HDAC4: variants seen among roughly 807,000 people sequenced by gnomAD.
HDAC4 encodes histone deacetylase A.
HDAC4 carries 16 observed loss-of-function variants against 135.1 expected under a neutral mutation model. The ratio of observed to expected loss-of-function variants is 0.12; its 90% confidence interval spans 0.08 to 0.18. The LOEUF is 0.18. HDAC4 is among the 10% of genes least tolerant of loss of function. HDAC4 has a pLI of 1.00. For missense variants in HDAC4, 1,143 were observed against 1,511.8 expected (o/e 0.76, Z 4.05); for synonymous variants, 685 against 653.4 (o/e 1.05, Z -0.74).
In HDAC4 at chr2:239,068,687, G is replaced by A. The variant is rs1253436854; in HGVS notation, c.2751-80C>T. The A allele has an allele frequency of 1.2e-5, 15 of 1,238,148 alleles. No individual in the cohort carries two copies. Among genetic ancestry groups the A allele is most frequent in the Non-Finnish European group, 1.7e-5 (14 of 838,824 alleles). 76.7% of individuals were successfully genotyped at this position (1,238,148 alleles called of 1,614,324 possible). On this transcript the variant is annotated intron_variant, in intron 22 of 26. Coordinates refer to ENST00000543185, the MANE Select transcript of HDAC4 (RefSeq NM_001378414.1). The surrounding 1 kb of genome is among the most constrained non-coding windows in gnomAD (Gnocchi z 4.4). ...TCACAAAACCCCAAGGTTCCCTCTG[G>A]CATTGATAATGCCTGCCCCGCACCC...
intron 2 of HDAC4, among the ~76,000 whole-genome samples, chr2:239,279,771 A>G (rs1208910946): frequency 1.3e-5 from 2 of 152,174 alleles, no homozygotes; most frequent in African/African-American, 2.4e-5. Flanking sequence ...CTGAGTGAGG[A>G]GTGTCCCCTA....
At chr2:239,080,272 A>G (rs955885557) in intron 22 of HDAC4, among the ~76,000 whole-genome samples, 1 of 152,238 alleles carries the variant, frequency 6.6e-6, no homozygotes, top group East Asian at 1.9e-4. Flanking sequence ...GGAGACAGAG[A>G]AAGAGAAAAG....
At chr2:239,199,826 C>T (rs187220749) in intron 3 of HDAC4, among the ~76,000 whole-genome samples, 13 of 152,204 alleles carry the variant, frequency 8.5e-5, no homozygotes, top group African/African-American at 1.7e-4. Flanking sequence ...CTCCGCCTCC[C>T]GGGCTCACGC....
At chr2:239,107,956 T>G in intron 15 of HDAC4, 94 bp downstream of exon 15, 1 of 1,525,310 alleles carries the variant, frequency 6.6e-7, no homozygotes. Flanking sequence ...AAGAACCACC[T>G]GCAAAACCAA....
chr2:239,372,710 T>C (rs548567463), intron 1 of HDAC4, among the ~76,000 whole-genome samples: 5 of 152,208 alleles, frequency 3.3e-5, no homozygotes, highest in Non-Finnish European at 7.3e-5. Context: ...CAATAGCTTC[T>C]TTCTCTCTTT....
chr2:239,083,313 T>G lies in HDAC4; in HGVS notation c.2532+842A>C, dbSNP rs142082851. Among the ~76,000 whole-genome samples the G allele has an allele frequency of 9.6e-3, 1,469 of 152,318 alleles. 28 individuals are homozygous for G. Among genetic ancestry groups the G allele is most frequent in the African/African-American group, 0.034 (1,401 of 41,570 alleles). On this transcript the variant is annotated intron_variant, in intron 20 of 26. Transcript: ENST00000543185. ...TTCCCAGGCACTCCTACCTGCTCCC[T>G]TAGGAGGAGCTGAGGGAGGGCTCCC...
At chr2:239,183,505 C>T (rs2044288303) in intron 4 of HDAC4, among the ~76,000 whole-genome samples, 1 of 152,242 alleles carries the variant, frequency 6.6e-6, no homozygotes, top group Non-Finnish European at 1.5e-5. Flanking sequence ...AGGGCCACGG[C>T]ATCCATGGCT....
intron 2 of HDAC4, among the ~76,000 whole-genome samples, chr2:239,324,968 GCT>G: frequency 6.6e-6 from 1 of 152,336 alleles, no homozygotes; most frequent in East Asian, 1.9e-4. Flanking sequence ...TAAGACACAT[GCT>G]CTCTTACAGC....
intron 1 of HDAC4, among the ~76,000 whole-genome samples, chr2:239,377,972 C>T (rs965837): frequency 0.027 from 4,061 of 152,240 alleles, 177 homozygotes; most frequent in African/African-American, 0.092. Context: ...GTTCTATGGA[C>T]ATCAAAATGC....
intron 3 of HDAC4, among the ~76,000 whole-genome samples, chr2:239,203,121 G>A (rs2045859468): frequency 2.0e-5 from 3 of 152,170 alleles, no homozygotes; most frequent in African/African-American, 2.4e-5. Flanking sequence ...ACCGCGAAAA[G>A]GCCAAGGGCC....
intron 3 of HDAC4, among the ~76,000 whole-genome samples, chr2:239,230,756 T>C (rs1288472098): frequency 1.3e-5 from 2 of 152,166 alleles, no homozygotes; most frequent in African/African-American, 4.8e-5. Context: ...ACGGGCTCTG[T>C]GTATGAAGGT....
chr2:239,280,595 TGGCCTCTGCCAGGAGGCTCGGG>T (rs1456531856), intron 2 of HDAC4, among the ~76,000 whole-genome samples: 1 of 152,086 alleles, frequency 6.6e-6, no homozygotes, highest in Non-Finnish European at 1.5e-5. Flanking sequence ...AGGTGCATTG[TGGCCTCTGCCAGGAGGCTCGGG>T]GGCCTCTCTC....
chr2:239,359,792 G>A (rs891635758), intron 1 of HDAC4, among the ~76,000 whole-genome samples: 11 of 152,164 alleles, frequency 7.2e-5, no homozygotes, highest in African/African-American at 2.4e-4. Context: ...CAGAAGACTC[G>A]GGAATCTGTA....
chr2:239,203,791 T>C (rs1342104077), intron 3 of HDAC4, among the ~76,000 whole-genome samples: 1 of 152,140 alleles, frequency 6.6e-6, no homozygotes. Context: ...GCAGTGGAGA[T>C]GAGGGACTGC....
chr2:239,111,717 G>C lies in HDAC4; in HGVS notation c.1792-5C>G. 1.3e-6 allele frequency: 2 copies of C among 1,591,666 alleles called. No homozygotes were observed. Among genetic ancestry groups the C allele is most frequent in the East Asian group, 2.3e-5 (1 of 43,366 alleles). On this transcript the variant is annotated splice_polypyrimidine_tract_variant and splice_region_variant and intron_variant, in intron 13 of 26. Coordinates refer to ENST00000543185, the MANE Select transcript of HDAC4 (RefSeq NM_001378414.1). Reference sequence around the variant, plus strand: ...CTGCTCCAGCAGGAGGGCTTGCTGCGGGGAAGAAACGGCCGTGTTGGCGGT... The same window carrying C: ...CTGCTCCAGCAGGAGGGCTTGCTGCCGGGAAGAAACGGCCGTGTTGGCGGT...
At chr2:239,333,193 G>A (rs2125828580) in intron 2 of HDAC4, among the ~76,000 whole-genome samples, 1 of 152,222 alleles carries the variant, frequency 6.6e-6, no homozygotes, top group East Asian at 1.9e-4. Flanking sequence ...TATGGCCCAT[G>A]GGCCAAGTAC....
chr2:239,398,331 T>C (rs551653999), intron 1 of HDAC4, among the ~76,000 whole-genome samples: 1 of 152,376 alleles, frequency 6.6e-6, no homozygotes, highest in South Asian at 2.1e-4. Context: ...TAAAGTCGCC[T>C]TTCCTTTGGT....
At chr2:239,222,837 G>A (rs965836792) in intron 3 of HDAC4, among the ~76,000 whole-genome samples, 9 of 152,294 alleles carry the variant, frequency 5.9e-5, no homozygotes, top group African/African-American at 1.7e-4. Context: ...AGGTCCCAGC[G>A]GGGACCTGGG....
intron 2 of HDAC4, among the ~76,000 whole-genome samples, chr2:239,252,506 C>T (rs538334149): frequency 8.5e-5 from 13 of 152,320 alleles, no homozygotes; most frequent in Admixed American, 8.5e-4. Flanking sequence ...GAGCATTTCT[C>T]AGGTTTTAGC....
Sources: gnomAD v4.1 joint callset for allele counts (sites outside exome capture counted in the v4.1 genomes callset) on GRCh38, gnomAD v4.1.1 for gene constraint, Gnocchi (gnomAD v3.1) non-coding constraint, MANE v1.5 for transcripts, NCBI Gene and HGNC (gene_info 2026-07-23, HGNC 2026-07-21) for gene names.